Variants in CC2D2B observed in about 807,000 individuals in gnomAD.
CC2D2B encodes the protein protein CC2D2B.
A neutral mutation model predicts 161.2 loss-of-function variants in CC2D2B; 128 were observed. The ratio of observed to expected loss-of-function variants is 0.79; its 90% CI spans 0.69 to 0.92. The LOEUF is 0.92. CC2D2B is among the 40% of genes least tolerant of loss of function. The pLI, the probability that CC2D2B is intolerant of heterozygous loss-of-function variation, is 0.00. For missense variants in CC2D2B, 1,173 were observed against 1,375.1 expected (o/e 0.85, Z 2.32); for synonymous variants, 391 against 449.8 (o/e 0.87, Z 1.65).
chr10:95,992,723 G>A (rs2078003139), intron 22 of CC2D2B, 26 bp downstream of exon 22: 1 of 1,225,194 alleles, frequency 8.2e-7, no homozygotes, highest in Non-Finnish European at 1.0e-6. Flanking sequence ...CCAATTTTTA[G>A]AGTTGCAAAA....
At chr10:95,926,898 C>G (rs2141197508) in intron 5 of CC2D2B, among the ~76,000 whole-genome samples, 1 of 116,748 alleles carries the variant, frequency 8.6e-6, no homozygotes, top group South Asian at 2.6e-4. Context: ...AGGACAGCAC[C>G]AAAAACAAGG....
intron 21 of CC2D2B, among the ~76,000 whole-genome samples, 156 bp downstream of exon 21, chr10:95,991,617 AATTTAAAGTTGC>A (rs542199986): frequency 4.3e-4 from 66 of 152,146 alleles, no homozygotes; most frequent in Admixed American, 1.1e-3. Flanking sequence ...ATATTTGGTC[AATTTAAAGTTGC>A]ATTTTGGGAT....
In CC2D2B at chr10:96,013,775, A is replaced by C; in HGVS notation, c.3427-13A>C. The C allele has an allele frequency of 6.5e-7, 1 of 1,537,686 alleles. No homozygotes were observed. Among genetic ancestry groups the C allele is most frequent in the Non-Finnish European group, 9.0e-7 (1 of 1,115,874 alleles). ...ATACAGCACACACTCAATAAATGTG[A>C]ATATTATTCTAGGACCTCATTGCTC... On this transcript the variant is annotated splice_polypyrimidine_tract_variant and intron_variant, in intron 28 of 34. Transcript: ENST00000646931.
chr10:96,024,278 C>G (rs1203276083), intron 32 of CC2D2B, among the ~76,000 whole-genome samples: 1 of 151,942 alleles, frequency 6.6e-6, no homozygotes, highest in Non-Finnish European at 1.5e-5. Flanking sequence ...TGTATGCATG[C>G]ACATGTGTGC....
intron 9 of CC2D2B, among the ~76,000 whole-genome samples, chr10:95,946,965 T>C (rs987194692): frequency 1.3e-5 from 2 of 151,018 alleles, no homozygotes; most frequent in African/African-American, 4.9e-5. Context: ...CATTGATGAA[T>C]CAGGCTGCAT....
intron 15 of CC2D2B, 78 bp downstream of exon 15, chr10:95,968,979 T>C: frequency 1.7e-6 from 1 of 588,552 alleles, no homozygotes; most frequent in Non-Finnish European, 2.5e-6. Context: ...TACAGTTATA[T>C]GTGATAAGTA....
intron 26 of CC2D2B, 132 bp from the exon 27 acceptor site, chr10:96,012,053 T>A (rs1292292616): frequency 7.6e-6 from 4 of 524,400 alleles, no homozygotes; most frequent in Non-Finnish European, 1.3e-5. Context: ...CTTGGGCAAG[T>A]GCAAATGAGT....
At chr10:96,029,266 A>ATATATATATATGTATATG (rs2079936732) in intron 34 of CC2D2B, among the ~76,000 whole-genome samples, 1 of 68,090 alleles carries the variant, frequency 1.5e-5, no homozygotes, top group African/African-American at 7.7e-5. Flanking sequence ...ATATATATAT[A>ATATATATATATGTATATG]TATATATATA....
intron 10 of CC2D2B, among the ~76,000 whole-genome samples, chr10:95,953,010 G>A (rs1416382169): frequency 6.6e-6 from 1 of 152,000 alleles, no homozygotes; most frequent in Non-Finnish European, 1.5e-5. Flanking sequence ...GCAGGACAGA[G>A]CCCACTTCCC....
chr10:95,924,323 C>T lies in CC2D2B; in HGVS notation c.107C>T (p.Ala36Val). 1 of 1,503,944 alleles carries T rather than the reference C, an allele frequency of 6.6e-7. No homozygotes were observed. The highest frequency in any genetic ancestry group is 8.9e-7 in the Non-Finnish European group (1 of 1,120,138). 93.2% of individuals were successfully genotyped at this position (1,503,944 alleles called of 1,614,324 possible). A position where few individuals can be genotyped will look rare whatever the true frequency, so the allele number is the denominator to read the frequency against. Residue 36 changes from alanine (A) to valine (V), a missense_variant, in exon 4 of 35, where the codon GCA becomes GTA. Around this residue, in one of 3 missense-constraint regions of CC2D2B, gnomAD observed 298 missense variants for 261.2 expected, o/e 1.14. Coordinates refer to ENST00000646931, the MANE Select transcript of CC2D2B (RefSeq NM_001349008.3). ...GTTGGTTTCCTGATAGATTTAGATG[C>T]AGAAGAAAATCAAAATGTAGCAAAG... ...IDKHLQKDLD[A>V]EENQNVAKTL...
chr10:95,955,532 G>A, intron 11 of CC2D2B, 41 bp downstream of exon 11: 1 of 397,690 alleles, frequency 2.5e-6, no homozygotes, highest in Non-Finnish European at 4.4e-6. Context: ...CATTCATTAA[G>A]TAACTTCTTT....
At chr10:95,927,124 T>C (rs2098540790) in intron 5 of CC2D2B, 113 bp from the exon 6 acceptor site, 1 of 560,222 alleles carries the variant, frequency 1.8e-6, no homozygotes. Flanking sequence ...GCCTTGGTGC[T>C]CCCTGTTTGC....
At chr10:95,952,719 T>A (rs544109439) in intron 10 of CC2D2B, among the ~76,000 whole-genome samples, 1 of 152,288 alleles carries the variant, frequency 6.6e-6, no homozygotes, top group East Asian at 1.9e-4. Context: ...GAACTTTTTA[T>A]GTATCACTAT....
chr10:95,981,752 C>A (rs1411956275), intron 17 of CC2D2B, among the ~76,000 whole-genome samples: 1 of 152,088 alleles, frequency 6.6e-6, no homozygotes, highest in Admixed American at 6.5e-5. Context: ...AGGTTATTGT[C>A]TCTTATAAAC....
intron 19 of CC2D2B, among the ~76,000 whole-genome samples, chr10:95,984,079 T>G (rs1471945795): frequency 6.6e-6 from 1 of 152,220 alleles, no homozygotes; most frequent in African/African-American, 2.4e-5. Flanking sequence ...AACTATTATA[T>G]TTTTGTTATC....
At chr10:95,924,074 A>C (rs902732094) in intron 3 of CC2D2B, among the ~76,000 whole-genome samples, 5 of 152,142 alleles carry the variant, frequency 3.3e-5, no homozygotes, top group Non-Finnish European at 7.4e-5. Context: ...AAAAGTTGTC[A>C]CAAAGAAAAA....
intron 29 of CC2D2B, 94 bp from the exon 30 acceptor site, chr10:96,016,107 T>C (rs2079186830): frequency 1.3e-6 from 1 of 747,176 alleles, no homozygotes; most frequent in South Asian, 1.6e-5. Context: ...GGAACTGGAG[T>C]GAGTACAGGT....
intron 13 of CC2D2B, 70 bp from the exon 14 acceptor site, chr10:95,966,120 G>T: frequency 1.4e-6 from 1 of 729,104 alleles, no homozygotes; most frequent in Non-Finnish European, 1.9e-6. Context: ...AGAAATAAAT[G>T]AATTTTAAGA....
intron 27 of CC2D2B, 41 bp from the exon 28 acceptor site, chr10:96,012,488 GAAC>G: frequency 7.3e-7 from 1 of 1,374,268 alleles, no homozygotes; most frequent in Non-Finnish European, 1.0e-6. Context: ...TTTCTTGTGA[GAAC>G]AATACAGTAC....
Sources: gnomAD v4.1 joint callset for allele counts (sites outside exome capture counted in the v4.1 genomes callset) on GRCh38, gnomAD v4.1.1 for gene constraint, gnomAD v4.1.1 regional missense constraint, MANE v1.5 for transcripts, NCBI Gene and HGNC (gene_info 2026-07-23, HGNC 2026-07-21) for gene names.